The following RAPGEF1 variants were observed in gnomAD, a reference collection of about 807,000 sequenced individuals.
RAPGEF1 encodes Rap guanine nucleotide exchange factor 1.
Under a neutral mutation model 143.3 loss-of-function variants are expected in RAPGEF1, and 33 were observed. The ratio of observed to expected loss-of-function variants is 0.23; its 90% CI spans 0.17 to 0.31. The LOEUF (loss-of-function observed/expected upper bound fraction) is 0.31, where lower values mean the gene tolerates loss of function less well. Among genes scored for constraint, RAPGEF1 ranks in the 10% least tolerant of loss-of-function variants. The pLI, the probability that RAPGEF1 is intolerant of heterozygous loss-of-function variation, is 1.00. For synonymous variants in RAPGEF1, 629 were observed against 676.5 expected (o/e 0.93, Z 1.09); for missense variants, 1,199 against 1,645.4 (o/e 0.73, Z 4.69).
intron 12 of RAPGEF1, among the ~76,000 whole-genome samples, chr9:131,610,346 T>C (rs2132622651): frequency 6.6e-6 from 1 of 152,280 alleles, no homozygotes; most frequent in Middle Eastern, 3.4e-3. Flanking sequence ...GGAACCTTGA[T>C]CAGAATGGTT....
At chr9:131,579,950 G>A (rs1379301593) in intron 26 of RAPGEF1, among the ~76,000 whole-genome samples, 1 of 152,230 alleles carries the variant, frequency 6.6e-6, no homozygotes, top group Non-Finnish European at 1.5e-5. Flanking sequence ...TGGTGCCTCA[G>A]AGTCAGGCAG....
chr9:131,611,525 A>C (rs1487184835), intron 12 of RAPGEF1, among the ~76,000 whole-genome samples: 1 of 152,250 alleles, frequency 6.6e-6, no homozygotes, highest in Non-Finnish European at 1.5e-5. Context: ...ATGGCAAATT[A>C]ACTCTTGCAA....
intron 17 of RAPGEF1, among the ~76,000 whole-genome samples, chr9:131,595,352 T>A (rs1955071672): frequency 6.6e-6 from 1 of 152,244 alleles, no homozygotes; most frequent in African/African-American, 2.4e-5. Flanking sequence ...ATGTAAATAT[T>A]TTTTAGTACT....
Position 131,643,377 on chromosome 9 carries a change from C to T in RAPGEF1, c.356G>A (p.Ser119Asn). ...AATGGTCTTAAAGTAGCGCAGGGCA[C>T]TGACAACTTCCTTCTCTTTCTCCTC... ...WLEEKEKEVV[S>N]ALRYFKTIVD... Residue 119 changes from serine (S) to asparagine (N), a missense_variant, in exon 4 of 27, where the codon AGT becomes AAT. Ser to Asn is a conservative substitution (Grantham distance 46). Around this residue, in one of 6 missense-constraint regions of RAPGEF1, gnomAD observed 613 missense variants for 710.9 expected, o/e 0.86. Transcript: ENST00000683357. 1 of 1,613,794 alleles carries T rather than the reference C, an allele frequency of 6.2e-7. No homozygotes were observed. Among genetic ancestry groups the T allele is most frequent in the Non-Finnish European group, 8.5e-7 (1 of 1,179,830 alleles).
At chr9:131,736,782 G>A (rs1292201032) in intron 1 of RAPGEF1, among the ~76,000 whole-genome samples, 1 of 152,158 alleles carries the variant, frequency 6.6e-6, no homozygotes, top group African/African-American at 2.4e-5. Flanking sequence ...AGGAGATTAT[G>A]AACATATTTA....
intron 1 of RAPGEF1, among the ~76,000 whole-genome samples, chr9:131,672,905 A>G (rs1831640778): frequency 6.6e-6 from 1 of 152,142 alleles, no homozygotes; most frequent in African/African-American, 2.4e-5. Context: ...TTCTGGTAAA[A>G]GGCTCAGAGC....
intron 5 of RAPGEF1, among the ~76,000 whole-genome samples, chr9:131,636,727 T>C (rs1277761494): frequency 6.6e-6 from 1 of 152,176 alleles, no homozygotes; most frequent in East Asian, 1.9e-4. Flanking sequence ...CCAGAGTGAC[T>C]CAGGGCTGCT....
chr9:131,613,435 A>G (rs1413493072), intron 12 of RAPGEF1, among the ~76,000 whole-genome samples: 1 of 152,122 alleles, frequency 6.6e-6, no homozygotes, highest in Non-Finnish European at 1.5e-5. Context: ...ACTATAGTCT[A>G]GCTGCAGGGT....
chr9:131,719,040 C>T (rs1836068085), intron 1 of RAPGEF1, among the ~76,000 whole-genome samples: 1 of 152,106 alleles, frequency 6.6e-6, no homozygotes, highest in South Asian at 2.1e-4. Flanking sequence ...CACCATGTTG[C>T]CTAGGCTGGA....
chr9:131,711,640 G>A (rs975768562), intron 1 of RAPGEF1, among the ~76,000 whole-genome samples: 4 of 152,234 alleles, frequency 2.6e-5, no homozygotes, highest in African/African-American at 7.2e-5. Context: ...TTACAGGCGT[G>A]AGCCACCACG....
chr9:131,655,883 G>A lies in RAPGEF1; in HGVS notation c.62-4934C>T, dbSNP rs12686837. 0.088 allele frequency among the ~76,000 whole-genome samples: 13,421 copies of A among 151,878 alleles called. 736 individuals carry two copies. Among genetic ancestry groups the A allele is most frequent in the East Asian group, 0.26 (1,314 of 5,138 alleles). ...ATTACAGGTGTGAGCCACCGCGCCC[G>A]GCCAAAAAATTTTCTAAAAGGGGGG... On this transcript the variant is annotated intron_variant, in intron 1 of 26. Transcript: ENST00000683357. This position sits in a 1 kb window ranked among gnomAD's most constrained non-coding sequence, Gnocchi z 4.1.
chr9:131,639,617 G>A (rs1334959390), intron 4 of RAPGEF1, among the ~76,000 whole-genome samples: 1 of 152,016 alleles, frequency 6.6e-6, no homozygotes, highest in African/African-American at 2.4e-5. Context: ...TTTTCCCTAG[G>A]AATTGTGGAA....
At chr9:131,657,240 G>C (rs1382816087) in intron 1 of RAPGEF1, among the ~76,000 whole-genome samples, 1 of 152,202 alleles carries the variant, frequency 6.6e-6, no homozygotes, top group Non-Finnish European at 1.5e-5. Context: ...CAGACAGGCA[G>C]GCAGACAGAC....
At chr9:131,661,423 G>A (rs1342945532) in intron 1 of RAPGEF1, among the ~76,000 whole-genome samples, 1 of 152,152 alleles carries the variant, frequency 6.6e-6, no homozygotes, top group East Asian at 1.9e-4. Flanking sequence ...TTATGCTCGG[G>A]GAGTGGGGGG....
rs1830633931 is a variant in RAPGEF1, at chr9:131,667,531, A to G, written c.62-16582T>C. On this transcript the variant is annotated intron_variant, in intron 1 of 26. Coordinates refer to ENST00000683357, the MANE Select transcript of RAPGEF1 (RefSeq NM_001377935.1). This position sits in a 1 kb window ranked among gnomAD's most constrained non-coding sequence, Gnocchi z 4.6. ...AAGGTCTGGTGATGGAATGCATGGAAAAAGAGGCAGTCTTCTATTGTTTCA... is the reference window on the plus strand; with the variant it reads ...AAGGTCTGGTGATGGAATGCATGGAGAAAGAGGCAGTCTTCTATTGTTTCA... Among the ~76,000 whole-genome samples the G allele has an allele frequency of 2.6e-5, 4 of 152,228 alleles. No homozygotes were observed. The highest frequency in any genetic ancestry group is 2.0e-4 in the Admixed American group (3 of 15,282).
At chr9:131,695,529 G>A (rs892699346) in intron 1 of RAPGEF1, among the ~76,000 whole-genome samples, 2 of 152,202 alleles carry the variant, frequency 1.3e-5, no homozygotes, top group Non-Finnish European at 2.9e-5. Context: ...AGGCCACACT[G>A]GGTATCAGTG....
chr9:131,694,266 G>T (rs886564267), intron 1 of RAPGEF1, among the ~76,000 whole-genome samples: 1 of 152,178 alleles, frequency 6.6e-6, no homozygotes, highest in African/African-American at 2.4e-5. Context: ...CAGGGTTCCA[G>T]CAGAGAATGA....
At chr9:131,691,039 G>A (rs909730702) in intron 1 of RAPGEF1, among the ~76,000 whole-genome samples, 4 of 152,084 alleles carry the variant, frequency 2.6e-5, no homozygotes, top group South Asian at 4.1e-4. Context: ...AATTTCTTGC[G>A]CTTTGCATTT....
chr9:131,637,643 A>G (rs1016578018), intron 5 of RAPGEF1, among the ~76,000 whole-genome samples: 1 of 152,136 alleles, frequency 6.6e-6, no homozygotes, highest in Non-Finnish European at 1.5e-5. Flanking sequence ...AAGCCAAGAG[A>G]TCTGTTTACA....
Sources: gnomAD v4.1 joint callset for allele counts (sites outside exome capture counted in the v4.1 genomes callset) on GRCh38, gnomAD v4.1.1 for gene constraint, gnomAD v4.1.1 regional missense constraint, Gnocchi (gnomAD v3.1) non-coding constraint, MANE v1.5 for transcripts, NCBI Gene and HGNC (gene_info 2026-07-23, HGNC 2026-07-21) for gene names.